The following NLGN1 variants were observed in gnomAD, a reference collection of about 807,000 sequenced individuals.
The protein encoded by NLGN1 is neuroligin 1, also known as neuroligin-1.
Under a neutral mutation model 65.5 loss-of-function variants are expected in NLGN1, and 12 were observed. That is an observed-to-expected ratio of 0.18 (90% CI 0.12 to 0.30). The LOEUF is 0.30. Among genes scored for constraint, NLGN1 ranks in the 10% least tolerant of loss-of-function variants. NLGN1 has a pLI of 1.00. For missense variants in NLGN1, 750 were observed against 1,007.1 expected, an observed-to-expected ratio of 0.74 and a Z score of 3.46; for synonymous variants, 350 against 359.5, an observed-to-expected ratio of 0.97 and a Z score of 0.30.
At chr3:174,071,389 G>A (rs1739825094) in intron 4 of NLGN1, among the ~76,000 whole-genome samples, 1 of 151,994 alleles carries the variant, frequency 6.6e-6, no homozygotes, top group South Asian at 2.1e-4. Flanking sequence ...ATCTAAAAAA[G>A]ATGTCAGGTG....
chr3:173,707,493 C>T lies in NLGN1; in HGVS notation c.494-100187C>T, dbSNP rs187318506. Among the ~76,000 whole-genome samples, 441 of 151,890 alleles carry T rather than the reference C, an allele frequency of 2.9e-3. 4 individuals carry two copies. The highest frequency in any genetic ancestry group is 0.01 in the African/African-American group (419 of 41,470). On this transcript the variant is annotated intron_variant, in intron 3 of 6. Coordinates refer to ENST00000457714, the Ensembl canonical transcript of NLGN1. ...CAGTGCTTTGCAAATGTTATATAAA[C>T]ATAAATATAATAATTATATATTATT...
intron 4 of NLGN1, among the ~76,000 whole-genome samples, chr3:174,201,667 A>G (rs1295599100): frequency 6.8e-6 from 1 of 147,534 alleles, no homozygotes; most frequent in Non-Finnish European, 1.5e-5. Context: ...GAGCTTAAAT[A>G]TAAAAGGAGA....
chr3:173,460,123 G>A (rs993533028), intron 2 of NLGN1, among the ~76,000 whole-genome samples: 2 of 152,038 alleles, frequency 1.3e-5, no homozygotes, highest in Non-Finnish European at 2.9e-5. Flanking sequence ...GTGTTAATAA[G>A]AGTTAATTGA....
intron 4 of NLGN1, among the ~76,000 whole-genome samples, chr3:174,253,289 T>C (rs1432218851): frequency 6.6e-6 from 1 of 152,188 alleles, no homozygotes; most frequent in Non-Finnish European, 1.5e-5. Context: ...TACAGTAAAG[T>C]GCTGGAAAAT....
intron 4 of NLGN1, among the ~76,000 whole-genome samples, chr3:174,157,275 C>T (rs887451283): frequency 6.6e-6 from 1 of 151,676 alleles, no homozygotes; most frequent in African/African-American, 2.4e-5. Flanking sequence ...CACACAAAAC[C>T]CAGTGTAACT....
intron 3 of NLGN1, among the ~76,000 whole-genome samples, chr3:173,693,469 T>A (rs1020142751): frequency 6.6e-6 from 1 of 151,756 alleles, no homozygotes; most frequent in Non-Finnish European, 1.5e-5. Flanking sequence ...CATAAGAAGT[T>A]ACTTAAAGTA....
chr3:174,052,585 G>A (rs1158335519), intron 4 of NLGN1, among the ~76,000 whole-genome samples: 1 of 151,810 alleles, frequency 6.6e-6, no homozygotes, highest in Admixed American at 6.6e-5. Flanking sequence ...ATTTAAATAT[G>A]GCAATAAAAA....
chr3:174,231,792 A>G (rs1407664961), intron 4 of NLGN1, among the ~76,000 whole-genome samples: 1 of 152,074 alleles, frequency 6.6e-6, no homozygotes, highest in African/African-American at 2.4e-5. Context: ...ACACGCTTTC[A>G]AAATTGCTTC....
At chr3:173,414,565 TATGCAACATCTCC>T (rs1713285184) in intron 1 of NLGN1, among the ~76,000 whole-genome samples, 2 of 149,780 alleles carry the variant, frequency 1.3e-5, no homozygotes, top group South Asian at 4.2e-4. Flanking sequence ...CATTATATGA[TATGCAACATCTCC>T]ATGTGAAAAA....
At chr3:173,438,725 T>C (rs111608113) in intron 2 of NLGN1, among the ~76,000 whole-genome samples, 135 of 152,228 alleles carry the variant, frequency 8.9e-4, no homozygotes, top group African/African-American at 3.0e-3. Flanking sequence ...TAAAGAAAGA[T>C]TAAAGGAATT....
At chr3:173,468,367 T>G (rs1724729393) in intron 2 of NLGN1, among the ~76,000 whole-genome samples, 1 of 152,064 alleles carries the variant, frequency 6.6e-6, no homozygotes, top group African/African-American at 2.4e-5. Context: ...ATGGTATATA[T>G]AAAATAGAAT....
chr3:173,603,087 T>A (rs1295443015), intron 2 of NLGN1, among the ~76,000 whole-genome samples: 2 of 152,134 alleles, frequency 1.3e-5, no homozygotes, highest in Non-Finnish European at 2.9e-5. Flanking sequence ...AATCTCCTTT[T>A]AAGTAACACA....
chr3:173,667,359 T>C (rs943501252), intron 3 of NLGN1, among the ~76,000 whole-genome samples: 12 of 152,084 alleles, frequency 7.9e-5, no homozygotes, highest in Non-Finnish European at 1.8e-4. Context: ...ACTTCTTTTT[T>C]AAAACATTTT....
intron 4 of NLGN1, among the ~76,000 whole-genome samples, chr3:174,052,361 T>C (rs1198804508): frequency 6.6e-6 from 1 of 151,978 alleles, no homozygotes; most frequent in East Asian, 1.9e-4. Flanking sequence ...CCCTTGAGAC[T>C]TCATTGAAGA....
intron 4 of NLGN1, among the ~76,000 whole-genome samples, chr3:174,203,557 A>G (rs551325667): frequency 1.3e-5 from 2 of 152,288 alleles, no homozygotes; most frequent in South Asian, 4.1e-4. Flanking sequence ...ATGCTGCTAC[A>G]GCTGCAGAAG....
chr3:174,018,156 G>T (rs973856047), intron 4 of NLGN1, among the ~76,000 whole-genome samples: 1 of 152,118 alleles, frequency 6.6e-6, no homozygotes, highest in Non-Finnish European at 1.5e-5. Flanking sequence ...AAGAAATATG[G>T]CTCTGTTCCG....
At chr3:173,707,937 T>A (rs897631219) in intron 3 of NLGN1, among the ~76,000 whole-genome samples, 6 of 152,206 alleles carry the variant, frequency 3.9e-5, no homozygotes, top group African/African-American at 1.4e-4. Flanking sequence ...AATTTTGTAA[T>A]TTGTTATTGG....
chr3:173,891,131 G>A (rs1296493597), intron 4 of NLGN1, among the ~76,000 whole-genome samples: 3 of 152,144 alleles, frequency 2.0e-5, no homozygotes, highest in Non-Finnish European at 4.4e-5. Flanking sequence ...CAAACCACAT[G>A]TTTACTACAA....
At chr3:173,745,623 G>A (rs1560283334) in intron 3 of NLGN1, among the ~76,000 whole-genome samples, 1 of 151,890 alleles carries the variant, frequency 6.6e-6, no homozygotes, top group Non-Finnish European at 1.5e-5. Context: ...ATGATCATCA[G>A]CCCCACACCT....
Sources: gnomAD v4.1 joint callset for allele counts (sites outside exome capture counted in the v4.1 genomes callset) on GRCh38, gnomAD v4.1.1 for gene constraint, MANE v1.5 for transcripts, NCBI Gene and HGNC (gene_info 2026-07-23, HGNC 2026-07-21) for gene names.